The following ZNF318 variants were observed in gnomAD, a reference collection of about 807,000 sequenced individuals.
ZNF318 encodes the protein endocrine regulator.
Under a neutral mutation model 124.2 loss-of-function variants are expected in ZNF318, and 51 were observed. That is an observed-to-expected ratio of 0.41 (90% CI 0.33 to 0.52). ZNF318 has a LOEUF of 0.52. ZNF318 is among the 20% of genes least tolerant of loss of function. The pLI, the probability that ZNF318 is intolerant of heterozygous loss-of-function variation, is 0.23. For synonymous variants in ZNF318, 1,090 were observed against 1,040.7 expected (o/e 1.05, Z -0.91); for missense variants, 2,815 against 2,811.2 (o/e 1.00, Z -0.03).
At chr6:43,368,843 G>A in intron 1 of ZNF318, 124 bp downstream of exon 1, 1 of 1,235,860 alleles carries the variant, frequency 8.1e-7, no homozygotes, top group Non-Finnish European at 1.0e-6. Flanking sequence ...GCATCCCCGA[G>A]GGAGTTGGCC....
At chr6:43,347,878 G>A (rs1033700595) in intron 6 of ZNF318, among the ~76,000 whole-genome samples, 1 of 152,186 alleles carries the variant, frequency 6.6e-6, no homozygotes, top group Non-Finnish European at 1.5e-5. Context: ...AGGAAAAGAA[G>A]TGTGACAGAA....
At chr6:43,353,767 T>C (rs1360310310) in intron 4 of ZNF318, among the ~76,000 whole-genome samples, 1 of 152,214 alleles carries the variant, frequency 6.6e-6, no homozygotes, top group Non-Finnish European at 1.5e-5. Context: ...CCTTTACAAT[T>C]AATAGTATGT....
chr6:43,368,370 C>A (rs1779788983), intron 1 of ZNF318, among the ~76,000 whole-genome samples: 2 of 152,302 alleles, frequency 1.3e-5, no homozygotes, highest in South Asian at 4.1e-4. Flanking sequence ...AAATAATGTG[C>A]AAAGTGAAAG....
At chr6:43,346,117 C>T (rs1187771632) in intron 6 of ZNF318, among the ~76,000 whole-genome samples, 2 of 142,820 alleles carry the variant, frequency 1.4e-5, no homozygotes, top group East Asian at 4.2e-4. Context: ...AGGAGAATTG[C>T]CCAGAAGACA....
chr6:43,346,503 T>C (rs536994482), intron 6 of ZNF318, among the ~76,000 whole-genome samples: 46 of 100,028 alleles, frequency 4.6e-4, no homozygotes, highest in African/African-American at 1.4e-3. Flanking sequence ...CTGGGCAATA[T>C]AGCAAGACCC....
chr6:43,339,764 C>A lies in ZNF318; in HGVS notation c.4234G>T (p.Gly1412Trp). Residue 1412 changes from glycine (G) to tryptophan (W), a missense_variant, in exon 10 of 10, where the codon GGG becomes TGG. Transcript: ENST00000361428. The surrounding 1 kb of genome is among the most constrained non-coding windows in gnomAD (Gnocchi z 4.2). ...GACCCTTTTAGAATCACCTCTTCCCCTCCAAATGCTTTGGAGATGATGTCT... is the reference window on the plus strand; with the variant it reads ...GACCCTTTTAGAATCACCTCTTCCCATCCAAATGCTTTGGAGATGATGTCT... The part of the protein sequence containing the change: ...PPDIISKAFG[G>W]EEVILKGSPE... The A allele has an allele frequency of 6.2e-7, 1 of 1,614,116 alleles. No homozygotes were observed. Among genetic ancestry groups the A allele is most frequent in the Non-Finnish European group, 8.5e-7 (1 of 1,180,018 alleles).
chr6:43,354,712 A>G lies in ZNF318; in HGVS notation c.2622T>C (p.Asn874=), dbSNP rs1332936945. The stretch of plus-strand genomic sequence containing the variant: ...TCTTCTCATCAGAGATCTTCTCTGG[A>G]TTATATCTTATGAGTGATGGAATGG... ...QVSIPSLIRY[N]PEKISDEKNR... Residue 874 remains asparagine, a synonymous_variant, in exon 4 of 10, where the codon AAT becomes AAC. Coordinates refer to ENST00000361428, the MANE Select transcript of ZNF318 (RefSeq NM_014345.3). 2 of 1,613,684 alleles carry G rather than the reference A, an allele frequency of 1.2e-6. No homozygotes were observed. Among genetic ancestry groups the G allele is most frequent in the African/African-American group, 2.7e-5 (2 of 74,906 alleles).
At position 43,337,977 on chromosome 6, in the gene ZNF318, C is replaced by G; in HGVS notation, c.6021G>C (p.Lys2007Asn). 6.2e-7 allele frequency: 1 copy of G among 1,614,176 alleles called. No homozygotes were observed. The highest frequency in any genetic ancestry group is 1.1e-5 in the South Asian group (1 of 91,066). ...TCCCCAGGGCAGTAAGCTCCTCTAC[C>G]TTTAAGTCTGTAGCTTCAAAGTCTT... ...ALEDFEATDL[K>N]VEELTALGNL... The change falls in exon 10 of 10, where the codon AAG (lysine) becomes AAC (asparagine). Residue 2007 changes from lysine (K) to asparagine (N), a missense_variant. This residue lies in a region of ZNF318 where 927 missense variants were observed against 820.6 expected (regional missense o/e 1.13). Coordinates refer to ENST00000361428, the MANE Select transcript of ZNF318 (RefSeq NM_014345.3).
At chr6:43,351,098 G>A (rs909764479) in intron 5 of ZNF318, among the ~76,000 whole-genome samples, 3 of 152,162 alleles carry the variant, frequency 2.0e-5, no homozygotes, top group Admixed American at 6.5e-5. Context: ...TGATAGTCTC[G>A]CCAAAAATGA....
At position 43,337,158 on chromosome 6, in the gene ZNF318, T is replaced by C. The variant is rs761652578; in HGVS notation, c.6840A>G (p.Ter2280=). Residue 2280 remains the stop codon, a stop_retained_variant, in exon 10 of 10, where the codon TAA becomes TAG. Coordinates refer to ENST00000361428, the MANE Select transcript of ZNF318 (RefSeq NM_014345.3). ...CACAAGTAGCTCTAGGTATTTATTCTTAGTTGTGAACACTGGATTCTGTGT... is the reference window on the plus strand; with the variant it reads ...CACAAGTAGCTCTAGGTATTTATTCCTAGTTGTGAACACTGGATTCTGTGT... ...QDHTESSVHN[*] 2 of 1,568,808 alleles carry C rather than the reference T, an allele frequency of 1.3e-6. No individual in the cohort carries two copies. Among genetic ancestry groups the C allele is most frequent in the Admixed American group, 3.8e-5 (2 of 52,454 alleles).
rs769884542 is a variant in ZNF318 at position 43,337,129 on chromosome 6, C to T, written c.*29G>A. On this transcript the variant is annotated 3_prime_UTR_variant, in exon 10 of 10. Transcript: ENST00000361428. Reference sequence around the variant, plus strand: ...ATCTGATTTCTAGAAGCCAATGATTCACTCACAAGTAGCTCTAGGTATTTA... The same window carrying T: ...ATCTGATTTCTAGAAGCCAATGATTTACTCACAAGTAGCTCTAGGTATTTA... 2.6e-6 allele frequency: 4 copies of T among 1,513,622 alleles called. No homozygotes were observed. The highest frequency in any genetic ancestry group is 3.5e-6 in the Non-Finnish European group (4 of 1,132,050). 93.8% of individuals were successfully genotyped at this position (1,513,622 alleles called of 1,614,324 possible).
rs1779616705 is a variant in ZNF318, at chr6:43,357,002, C to T, written c.1188+124G>A. 1.3e-5 allele frequency: 15 copies of T among 1,175,058 alleles called. No homozygotes were observed. In the Admixed American group the frequency reaches 4.0e-4, roughly 31 times the overall value. 72.8% of individuals were successfully genotyped at this position (1,175,058 alleles called of 1,614,324 possible). A position where few individuals can be genotyped will look rare whatever the true frequency, so the allele number is the denominator to read the frequency against. On this transcript the variant is annotated intron_variant, in intron 3 of 9. Transcript: ENST00000361428. ...GTTTGGAGAGTCCTAGAAGGTGTAG[C>T]TCACAATGTCGGTCCAGCACATATT...
At position 43,366,854 on chromosome 6, in the gene ZNF318, C is replaced by CT. The variant is rs376755751; in HGVS notation, c.400-1415dup. Among the ~76,000 whole-genome samples, 481 of 148,064 alleles carry CT rather than the reference C, an allele frequency of 3.2e-3. 5 individuals carry two copies. Among genetic ancestry groups the CT allele is most frequent in the African/African-American group, 0.011 (428 of 40,442 alleles). On this transcript the variant is annotated intron_variant, in intron 1 of 9. Coordinates refer to ENST00000361428, the MANE Select transcript of ZNF318 (RefSeq NM_014345.3). ...GTAACTCCCTTCTCTGCTCTTAGTC[C>CT]TTTTTTTTTTGTTTTGTTTGAGACT... is the stretch of plus-strand genomic sequence containing the variant.
intron 1 of ZNF318, among the ~76,000 whole-genome samples, chr6:43,368,007 AGAGT>A (rs1204674939): frequency 6.6e-6 from 1 of 152,250 alleles, no homozygotes; most frequent in Non-Finnish European, 1.5e-5. Flanking sequence ...CCTGGGGAAC[AGAGT>A]GAGACTCTTT....
At chr6:43,365,567 G>A in intron 1 of ZNF318, 127 bp from the exon 2 acceptor site, 2 of 867,940 alleles carry the variant, frequency 2.3e-6, no homozygotes, top group Non-Finnish European at 3.5e-6. Flanking sequence ...AACACTTTGG[G>A]AGGCTGAGGT....
At position 43,338,137 on chromosome 6, in the gene ZNF318, T is replaced by C. The variant is rs373122097; in HGVS notation, c.5861A>G (p.Tyr1954Cys). 2.5e-5 allele frequency: 40 copies of C among 1,613,738 alleles called. No homozygotes were observed. Among genetic ancestry groups the C allele is most frequent in the South Asian group, 1.8e-4 (16 of 91,014 alleles). Residue 1954 changes from tyrosine (Y) to cysteine (C), a missense_variant, in exon 10 of 10, where the codon TAT becomes TGT. By Grantham distance (194) the Tyr-to-Cys change is radical. This residue lies in a region of ZNF318 where 927 missense variants were observed against 820.6 expected (regional missense o/e 1.13). Coordinates refer to ENST00000361428, the MANE Select transcript of ZNF318 (RefSeq NM_014345.3). ...GTTTTCATCCCAAACAGCCAACTCA[T>C]AGATCTTTTTAACTTGAAAGTCTTT... ...RSKDFQVKKI[Y>C]ELAVWDENKK...
At chr6:43,344,622 T>G (rs1779413693) in intron 6 of ZNF318, among the ~76,000 whole-genome samples, 1 of 152,328 alleles carries the variant, frequency 6.6e-6, no homozygotes, top group South Asian at 2.1e-4. Flanking sequence ...TTATCCTGTT[T>G]TCTTTTTTTA....
Position 43,355,351 on chromosome 6 carries a change from G to A in ZNF318, c.1983C>T (p.Asp661=), listed in dbSNP as rs1337442522. ...RFSADRCSSV[D]HCFSADRRSS... is the part of the protein sequence containing the mutation. ...AACGTCGATCAGCTGAGAAGCAGTG[G>A]TCAACTGAGGAACAGCGGTCAGCTG... Residue 661 remains aspartate, a synonymous_variant, in exon 4 of 10, where the codon GAC becomes GAT. Coordinates refer to ENST00000361428, the MANE Select transcript of ZNF318 (RefSeq NM_014345.3). 3.1e-6 allele frequency: 5 copies of A among 1,614,164 alleles called. No homozygotes were observed. Among genetic ancestry groups the A allele is most frequent in the Non-Finnish European group, 3.4e-6 (4 of 1,180,038 alleles).
In ZNF318 at chr6:43,339,017, G is replaced by A. The variant is rs1405215325; in HGVS notation, c.4981C>T (p.His1661Tyr). The change falls in exon 10 of 10, where the codon CAT becomes TAT. Residue 1661 changes from histidine (H) to tyrosine (Y), a missense_variant. Physicochemically the swap from His to Tyr is moderately conservative, Grantham distance 83 (BLOSUM62 2). Coordinates refer to ENST00000361428, the MANE Select transcript of ZNF318 (RefSeq NM_014345.3). The surrounding 1 kb of genome is among the most constrained non-coding windows in gnomAD (Gnocchi z 4.2). ...CTGCCTGTGCTTTTTGGGCCTACAT[G>A]TTCTACAACTGACCATTTCCCTAGG... The part of the protein sequence containing the change: ...VALGKWSVVE[H>Y]VGPKSTGSTY... The A allele has an allele frequency of 1.2e-6, 2 of 1,614,184 alleles. No individual in the cohort carries two copies. Among genetic ancestry groups the A allele is most frequent in the Non-Finnish European group, 1.7e-6 (2 of 1,180,036 alleles).
Sources: allele counts gnomAD v4.1 joint callset (sites outside exome capture counted in the v4.1 genomes callset), GRCh38; gene constraint gnomAD v4.1.1; regional missense constraint gnomAD v4.1.1; non-coding constraint Gnocchi (gnomAD v3.1); transcripts MANE v1.5; gene names NCBI Gene and HGNC (gene_info 2026-07-23, HGNC 2026-07-21).